Variants in CNTNAP2 observed in about 807,000 individuals in gnomAD.
The protein encoded by CNTNAP2 is contactin-associated protein-like 2.
A neutral mutation model predicts 155.2 loss-of-function variants in CNTNAP2; 98 were observed. The ratio of observed to expected loss-of-function variants is 0.63; its 90% CI spans 0.54 to 0.75. The LOEUF (loss-of-function observed/expected upper bound fraction) is 0.75. CNTNAP2 is among the 30% of genes least tolerant of loss of function. The pLI is 0.00. For missense variants in CNTNAP2, 1,727 were observed against 1,688.1 expected (o/e 1.02, Z -0.40); for synonymous variants, 651 against 631.2 (o/e 1.03, Z -0.47).
At chr7:147,383,790 A>C (rs1351658118) in intron 9 of CNTNAP2, among the ~76,000 whole-genome samples, 2 of 152,150 alleles carry the variant, frequency 1.3e-5, no homozygotes, top group Non-Finnish European at 2.9e-5. Context: ...GTAAAAAAAT[A>C]AAAATCGTTT....
chr7:147,364,953 A>AATTTGT (rs1796202544), intron 9 of CNTNAP2, among the ~76,000 whole-genome samples: 1 of 152,160 alleles, frequency 6.6e-6, no homozygotes, highest in African/African-American at 2.4e-5. Context: ...TTTATAAAAG[A>AATTTGT]ATTTGTATTT....
chr7:146,171,560 A>G (rs1798390571), intron 1 of CNTNAP2, among the ~76,000 whole-genome samples: 1 of 152,174 alleles, frequency 6.6e-6, no homozygotes, highest in African/African-American at 2.4e-5. Flanking sequence ...TATTTTCTGG[A>G]AAGCTATGAG....
At chr7:147,370,965 A>G (rs574916166) in intron 9 of CNTNAP2, among the ~76,000 whole-genome samples, 2 of 152,224 alleles carry the variant, frequency 1.3e-5, no homozygotes, top group South Asian at 4.1e-4. Context: ...AATACTATTT[A>G]TATGTTTTTG....
intron 15 of CNTNAP2, among the ~76,000 whole-genome samples, chr7:148,101,350 A>AGTGT (rs4015917): frequency 0.016 from 2,242 of 144,394 alleles, 38 homozygotes; most frequent in East Asian, 0.053. Context: ...TAAAAAGTTC[A>AGTGT]GTGTGTGTGT....
chr7:146,323,877 T>G (rs1320910571), intron 1 of CNTNAP2, among the ~76,000 whole-genome samples: 1 of 152,172 alleles, frequency 6.6e-6, no homozygotes, highest in Non-Finnish European at 1.5e-5. Context: ...CTGTATCACT[T>G]GACCCTAAGA....
At position 146,169,328 on chromosome 7, in the gene CNTNAP2, A is replaced by G. The variant is rs1254439298; in HGVS notation, c.97+52355A>G. 1.3e-5 allele frequency among the ~76,000 whole-genome samples: 2 copies of G among 152,198 alleles called. 1 individual carries two copies. Among genetic ancestry groups the G allele is most frequent in the African/African-American group, 4.8e-5 (2 of 41,466 alleles). Reference sequence around the variant, plus strand: ...AAGAATCTAAAGTAGTACCTGACATATAGTAAGTGCTTGATAAATATTTTT... The same window carrying G: ...AAGAATCTAAAGTAGTACCTGACATGTAGTAAGTGCTTGATAAATATTTTT... On this transcript the variant is annotated intron_variant, in intron 1 of 23. Coordinates refer to ENST00000361727, the MANE Select transcript of CNTNAP2 (RefSeq NM_014141.6).
At chr7:148,241,390 A>G (rs1796156645) in intron 20 of CNTNAP2, among the ~76,000 whole-genome samples, 2 of 152,210 alleles carry the variant, frequency 1.3e-5, no homozygotes, top group Admixed American at 6.5e-5. Context: ...AGTTCAACCC[A>G]TTAAGCATAT....
intron 8 of CNTNAP2, among the ~76,000 whole-genome samples, chr7:147,253,751 C>T (rs1344375259): frequency 6.6e-6 from 1 of 152,180 alleles, no homozygotes; most frequent in Non-Finnish European, 1.5e-5. Context: ...GCTCATCATT[C>T]CACATCCTGA....
intron 18 of CNTNAP2, among the ~76,000 whole-genome samples, chr7:148,208,634 C>T (rs753244300): frequency 1.3e-5 from 2 of 152,068 alleles, no homozygotes; most frequent in African/African-American, 2.4e-5. Context: ...TTGGTAACTA[C>T]GAAGTTCATG....
chr7:146,850,304 C>T lies in CNTNAP2; in HGVS notation c.402+10400C>T, dbSNP rs550183066. On this transcript the variant is annotated intron_variant, in intron 3 of 23. Coordinates refer to ENST00000361727, the MANE Select transcript of CNTNAP2 (RefSeq NM_014141.6). Reference sequence around the variant, plus strand: ...ATCTGCATTTCTCCGATGAACTTCACCAATATATTTTGATGAGACAGTGAA... The same window carrying T: ...ATCTGCATTTCTCCGATGAACTTCATCAATATATTTTGATGAGACAGTGAA... 1.1e-3 allele frequency among the ~76,000 whole-genome samples: 168 copies of T among 152,258 alleles called. 1 individual carries two copies. Among genetic ancestry groups the T allele is most frequent in the Non-Finnish European group, 1.8e-3 (121 of 68,022 alleles).
chr7:146,932,842 T>C (rs1402777850), intron 3 of CNTNAP2, among the ~76,000 whole-genome samples: 2 of 151,840 alleles, frequency 1.3e-5, no homozygotes, highest in Middle Eastern at 3.2e-3. Context: ...TCACAATTGC[T>C]TCAAAGAAAA....
At chr7:147,910,038 T>C (rs1800034145) in intron 14 of CNTNAP2, among the ~76,000 whole-genome samples, 1 of 152,208 alleles carries the variant, frequency 6.6e-6, no homozygotes, top group African/African-American at 2.4e-5. Flanking sequence ...GACCAACTTT[T>C]ATAGCAGCTG....
At chr7:146,433,522 A>T (rs1328266621) in intron 1 of CNTNAP2, among the ~76,000 whole-genome samples, 2 of 152,130 alleles carry the variant, frequency 1.3e-5, no homozygotes. Context: ...AAACTCAAAT[A>T]TGTGTGTACA....
At chr7:146,824,143 T>C (rs1803353395) in intron 2 of CNTNAP2, among the ~76,000 whole-genome samples, 1 of 152,172 alleles carries the variant, frequency 6.6e-6, no homozygotes, top group Non-Finnish European at 1.5e-5. Context: ...GGTGTTTGGT[T>C]TTCTGTTCCT....
intron 8 of CNTNAP2, among the ~76,000 whole-genome samples, chr7:147,186,063 T>A (rs1321311267): frequency 3.3e-5 from 5 of 152,136 alleles, no homozygotes; most frequent in Non-Finnish European, 7.3e-5. Flanking sequence ...ATTAGCAGTA[T>A]GAGAACAGAC....
chr7:146,219,585 C>T (rs1027146507), intron 1 of CNTNAP2, among the ~76,000 whole-genome samples: 1 of 152,124 alleles, frequency 6.6e-6, no homozygotes, highest in African/African-American at 2.4e-5. Context: ...AGACAGGAGG[C>T]TGAGGCTTGG....
chr7:147,265,626 G>C (rs780582043), intron 8 of CNTNAP2, among the ~76,000 whole-genome samples: 1 of 152,154 alleles, frequency 6.6e-6, no homozygotes, highest in African/African-American at 2.4e-5. Flanking sequence ...GGTTTCCCCC[G>C]AGCACAGCAC....
intron 21 of CNTNAP2, among the ~76,000 whole-genome samples, chr7:148,367,373 T>A (rs1798804113): frequency 6.6e-6 from 1 of 152,136 alleles, no homozygotes; most frequent in African/African-American, 2.4e-5. Context: ...AAAAATGAAC[T>A]GTTAAGTCAA....
chr7:146,519,675 T>C (rs801969), intron 1 of CNTNAP2, among the ~76,000 whole-genome samples: 4,306 of 151,896 alleles, frequency 0.028, 199 homozygotes, highest in African/African-American at 0.098. Context: ...AATCTGGAAA[T>C]ATGGTAAAGA....
Sources: gnomAD v4.1 joint callset for allele counts (sites outside exome capture counted in the v4.1 genomes callset) on GRCh38, gnomAD v4.1.1 for gene constraint, MANE v1.5 for transcripts, NCBI Gene and HGNC (gene_info 2026-07-23, HGNC 2026-07-21) for gene names.